Variants in XCR1 observed in about 807,000 individuals in gnomAD.
XCR1 encodes chemokine XC receptor 1.
For missense variants in XCR1, 356 were observed against 424.2 expected, an observed-to-expected ratio of 0.84 and a Z score of 1.41; for synonymous variants, 187 against 188.5, an observed-to-expected ratio of 0.99 and a Z score of 0.06.
In XCR1 at chr3:46,021,087, A is replaced by G; in HGVS notation, c.861T>C (p.Tyr287=). The G allele has an allele frequency of 6.2e-7, 1 of 1,614,258 alleles. No individual in the cohort carries two copies. Among genetic ancestry groups the G allele is most frequent in the Non-Finnish European group, 8.5e-7 (1 of 1,180,044 alleles). The stretch of plus-strand genomic sequence containing the variant: ...TGCGGAACTTGACCCCCACGAAGAC[A>G]TAGAGCACCGGGTTAAAGCAGCAGT... ...FSHCCFNPVL[Y]VFVGVKFRTH... The change falls in exon 2 of 2, where the codon TAT becomes TAC. Residue 287 remains tyrosine (Y), a synonymous_variant. Coordinates refer to ENST00000309285, the MANE Select transcript of XCR1 (RefSeq NM_001024644.2). This position sits in a 1 kb window ranked among gnomAD's most constrained non-coding sequence, Gnocchi z 4.7.
intron 4 of XCR1, among the ~76,000 whole-genome samples, chr3:46,064,846 C>A (rs1698033215): frequency 6.6e-6 from 1 of 152,156 alleles, no homozygotes; most frequent in Admixed American, 6.5e-5. Context: ...AATCCCAGCA[C>A]TGTGGGAGGC....
rs1708087174 is a variant in XCR1 at position 46,018,699 on chromosome 3, T to C, written c.*2247A>G. The C allele has an allele frequency of 1.3e-5, 2 of 152,152 alleles. No homozygotes were observed. The highest frequency in any genetic ancestry group is 2.9e-5 in the Non-Finnish European group (2 of 68,020). 9.4% of individuals were successfully genotyped at this position (152,152 alleles called of 1,614,324 possible). On this transcript the variant is annotated 3_prime_UTR_variant, in exon 2 of 2. Transcript: ENST00000309285. ...CCCTAGACCGATAAACTCCTCCAGATCTACTGCCCCATTGGCAAATAGATC... is the reference window on the plus strand; with the variant it reads ...CCCTAGACCGATAAACTCCTCCAGACCTACTGCCCCATTGGCAAATAGATC...
chr3:46,058,870 G>A (rs917592656), intron 4 of XCR1, among the ~76,000 whole-genome samples: 1 of 152,194 alleles, frequency 6.6e-6, no homozygotes, highest in African/African-American at 2.4e-5. Flanking sequence ...CGGCCATAGG[G>A]TGTCTTCTGT....
chr3:46,023,162 C>G, intron 1 of XCR1: 1 of 405,098 alleles, frequency 2.5e-6, no homozygotes, highest in East Asian at 4.2e-5. Context: ...GCCCGTGGCG[C>G]GGGGCCTGAG....
intron 4 of XCR1, among the ~76,000 whole-genome samples, chr3:46,061,896 A>G (rs1308625679): frequency 1.3e-5 from 2 of 152,196 alleles, no homozygotes; most frequent in Admixed American, 1.3e-4. Flanking sequence ...AGCTAGGTCC[A>G]GCACTGTGGG....
At chr3:46,046,881 G>T (rs1697640222) in intron 5 of XCR1, among the ~76,000 whole-genome samples, 1 of 152,224 alleles carries the variant, frequency 6.6e-6, no homozygotes, top group Non-Finnish European at 1.5e-5. Context: ...CAAAGGTGAT[G>T]TTGGATGTGA....
upstream of XCR1, among the ~76,000 whole-genome samples, chr3:46,032,050 A>G (rs1036828490): frequency 1.3e-5 from 2 of 152,194 alleles, no homozygotes; most frequent in African/African-American, 4.8e-5. Context: ...AAAGCTCTTC[A>G]TCTTGTTCAT....
chr3:46,023,892 G>T, intron 1 of XCR1: 1 of 1,507,536 alleles, frequency 6.6e-7, no homozygotes, highest in Non-Finnish European at 9.2e-7. Flanking sequence ...ATAACTAAAG[G>T]CTGAAAAGGC....
intron 5 of XCR1, among the ~76,000 whole-genome samples, chr3:46,043,692 G>T (rs1458782725): frequency 1.3e-5 from 2 of 148,288 alleles, no homozygotes; most frequent in Non-Finnish European, 3.0e-5. Context: ...AGACCAGCCT[G>T]GGCAACATAG....
intron 5 of XCR1, among the ~76,000 whole-genome samples, chr3:46,048,140 G>T (rs913421103): frequency 2.0e-5 from 3 of 152,154 alleles, no homozygotes; most frequent in Admixed American, 6.5e-5. Flanking sequence ...CAGTGGAGCG[G>T]TATAATTAAT....
rs773772389 is a variant in XCR1 at position 46,021,030 on chromosome 3, C to G, written c.918G>C (p.Trp306Cys). The change falls in exon 2 of 2, where the codon TGG (tryptophan) becomes TGC (cysteine). Residue 306 changes from tryptophan to cysteine, a missense_variant. By Grantham distance (215) the Trp-to-Cys change is radical (BLOSUM62 -2). Transcript: ENST00000309285. The surrounding 1 kb of genome is among the most constrained non-coding windows in gnomAD (Gnocchi z 4.7). ...THLKHVLRQF[W>C]FCRLQAPSPA... The stretch of plus-strand genomic sequence containing the variant: ...GGCTGGGTGCCTGCAGCCGGCAGAA[C>G]CAGAACTGCCGGAGAACATGTTTCA... 1.2e-6 allele frequency: 2 copies of G among 1,613,862 alleles called. No individual in the cohort carries two copies. The highest frequency in any genetic ancestry group is 1.7e-5 in the Admixed American group (1 of 59,986).
At chr3:46,082,372 A>G (rs533387618) in intron 1 of XCR1, among the ~76,000 whole-genome samples, 3 of 151,806 alleles carry the variant, frequency 2.0e-5, no homozygotes, top group East Asian at 3.9e-4. Context: ...TGGTAAAATC[A>G]TCATATATAT....
At chr3:46,033,205 A>G (rs1708431936) in intron 5 of XCR1, among the ~76,000 whole-genome samples, 1 of 152,160 alleles carries the variant, frequency 6.6e-6, no homozygotes, top group South Asian at 2.1e-4. Context: ...CTACCTAGGT[A>G]TCAGAAAAAG....
rs1708098155 is a variant in XCR1, at chr3:46,019,199, A to G, written c.*1747T>C. ...TTTCTACTACTCTCTGAGAGTGTAG[A>G]CTAGGAAAGAAAGGTTAATATTTAT... On this transcript the variant is annotated 3_prime_UTR_variant, in exon 2 of 2. Transcript: ENST00000309285. The G allele has an allele frequency of 6.6e-6, 1 of 152,162 alleles. No individual in the cohort carries two copies. The allele number at this position is 152,162 out of a possible 1,614,324, so 9.4% of individuals were successfully genotyped here. A position where few individuals can be genotyped will look rare whatever the true frequency, so the allele number is the denominator to read the frequency against.
At chr3:46,082,324 T>A (rs1051529764) in intron 1 of XCR1, among the ~76,000 whole-genome samples, 2 of 152,050 alleles carry the variant, frequency 1.3e-5, no homozygotes, top group African/African-American at 4.8e-5. Context: ...GCGTTAGGCC[T>A]CCATACTGTG....
intron 4 of XCR1, among the ~76,000 whole-genome samples, chr3:46,056,495 A>T (rs553930187): frequency 1.3e-5 from 2 of 152,050 alleles, no homozygotes; most frequent in South Asian, 2.1e-4. Flanking sequence ...TTTTTTTGAG[A>T]CAGGGTCTCA....
At chr3:46,033,084 T>C (rs935076943) in intron 5 of XCR1, among the ~76,000 whole-genome samples, 1 of 145,780 alleles carries the variant, frequency 6.9e-6, no homozygotes, top group East Asian at 1.9e-4. Context: ...GTCTATTCAT[T>C]CTTTTAACAA....
intron 1 of XCR1, among the ~76,000 whole-genome samples, chr3:46,022,493 T>C (rs1378645628): frequency 6.6e-6 from 1 of 152,230 alleles, no homozygotes; most frequent in Non-Finnish European, 1.5e-5. Flanking sequence ...AAAGAGTCTA[T>C]TCTATCAGGC....
intron 4 of XCR1, among the ~76,000 whole-genome samples, chr3:46,064,972 T>C (rs1041291147): frequency 6.6e-6 from 1 of 152,058 alleles, no homozygotes; most frequent in African/African-American, 2.4e-5. Flanking sequence ...ATGCCTGTAA[T>C]CCCAGCTACT....
Sources: gnomAD v4.1 joint callset for allele counts (sites outside exome capture counted in the v4.1 genomes callset) on GRCh38, gnomAD v4.1.1 for gene constraint, Gnocchi (gnomAD v3.1) non-coding constraint, MANE v1.5 for transcripts, NCBI Gene and HGNC (gene_info 2026-07-23, HGNC 2026-07-21) for gene names.